Variants in AMZ1 observed in about 807,000 individuals in gnomAD.
The protein encoded by AMZ1 is archaelysin family metallopeptidase 1, also known as archaemetzincin-1.
AMZ1 carries 39 observed loss-of-function variants against 29.9 expected under a neutral mutation model. The observed-to-expected ratio is 1.30, with a 90% confidence interval of 1.01 to 1.70. The LOEUF (loss-of-function observed/expected upper bound fraction) is 1.70, where lower values mean the gene tolerates loss of function less well. Among genes scored for constraint, AMZ1 ranks in the 40% most tolerant of loss-of-function variants. AMZ1 has a pLI of 0.00. For missense variants in AMZ1, 1,041 were observed against 680.6 expected, an observed-to-expected ratio of 1.53 and a Z score of -5.89; for synonymous variants, 458 against 304.0, an observed-to-expected ratio of 1.51 and a Z score of -5.27.
intron 4 of AMZ1, chr7:2,729,416 T>A (rs1296940611): frequency 6.6e-6 from 1 of 152,322 alleles, no homozygotes; most frequent in Non-Finnish European, 1.5e-5. Context: ...ACAGAAGCAG[T>A]ACAAAAACAG....
At chr7:2,762,969 C>A (rs1791638444), upstream of AMZ1, 3 of 1,354,666 alleles carry the variant, frequency 2.2e-6, no homozygotes, top group Admixed American at 7.4e-5. Flanking sequence ...GTCTCCTGCT[C>A]CTCAGAAAGA....
intron 3 of AMZ1, among the ~76,000 whole-genome samples, chr7:2,703,944 A>C (rs1227116124): frequency 6.6e-6 from 1 of 152,104 alleles, no homozygotes. Context: ...GCTGGAGTGC[A>C]GTGGTGCAAT....
rs1384264467 is a variant in AMZ1, at chr7:2,719,226, C to A, written c.*6348C>A. ...GTGGCCCCTGTCGGAAGGGGGGTGT[C>A]TCTTTATTCCTGCCATCCTCCGGCC... On this transcript the variant is annotated 3_prime_UTR_variant, in exon 7 of 7. Coordinates refer to ENST00000683327, the MANE Select transcript of AMZ1 (RefSeq NM_001384743.1). Among the ~76,000 whole-genome samples the A allele has an allele frequency of 6.6e-6, 1 of 152,180 alleles. No homozygotes were observed. The highest frequency in any genetic ancestry group is 1.5e-5 in the Non-Finnish European group (1 of 68,046).
At chr7:2,711,217 T>C (rs539844799) in intron 6 of AMZ1, among the ~76,000 whole-genome samples, 7 of 152,228 alleles carry the variant, frequency 4.6e-5, no homozygotes, top group Admixed American at 2.0e-4. Context: ...CTGGCTGTTG[T>C]AGGGAGGGCA....
intron 4 of AMZ1, among the ~76,000 whole-genome samples, chr7:2,757,122 G>A (rs1479977935): frequency 2.1e-5 from 3 of 145,192 alleles, no homozygotes; most frequent in Non-Finnish European, 4.5e-5. Flanking sequence ...GATCTAATCA[G>A]GTGGGCCTTT....
At chr7:2,697,219 C>G (rs1787797416) in intron 1 of AMZ1, among the ~76,000 whole-genome samples, 2 of 152,126 alleles carry the variant, frequency 1.3e-5, no homozygotes, top group African/African-American at 4.8e-5. Flanking sequence ...TCTTCTGCCT[C>G]TTGAGTAGCT....
Position 2,748,162 on chromosome 7 carries a change from T to G in AMZ1, n.551-16550T>G, listed in dbSNP as rs1790858525. 2.0e-5 allele frequency among the ~76,000 whole-genome samples: 3 copies of G among 150,604 alleles called. No individual in the cohort carries two copies. In the South Asian group the frequency reaches 6.4e-4, roughly 32 times the overall value. ...TTCACAGAATTGGAAAAAACTACTT[T>G]AAAGTTCATATGGAACCAAAAAAGA... On this transcript the variant is annotated intron_variant and non_coding_transcript_variant, in intron 4 of 4. Coordinates refer to the AMZ1 transcript ENST00000489665.
upstream of AMZ1, among the ~76,000 whole-genome samples, chr7:2,763,872 G>A (rs1447221186): frequency 6.6e-6 from 1 of 152,234 alleles, no homozygotes; most frequent in African/African-American, 2.4e-5. Flanking sequence ...GAGAGCGAGG[G>A]AGACGGAGAG....
At chr7:2,726,067 C>G (rs1333798615) in intron 4 of AMZ1, among the ~76,000 whole-genome samples, 2 of 152,224 alleles carry the variant, frequency 1.3e-5, no homozygotes, top group South Asian at 4.1e-4. Context: ...CTGTCCTCTT[C>G]AAAGCAAAGC....
chr7:2,734,603 T>G (rs1269107114), intron 4 of AMZ1, among the ~76,000 whole-genome samples: 1 of 152,214 alleles, frequency 6.6e-6, no homozygotes. Flanking sequence ...CTGCTCAGTC[T>G]ATCTCTTCCT....
intron 4 of AMZ1, among the ~76,000 whole-genome samples, chr7:2,744,798 A>T (rs543028909): frequency 6.6e-6 from 1 of 152,204 alleles, no homozygotes; most frequent in South Asian, 2.1e-4. Context: ...GGATAACTAG[A>T]ATAACCAATG....
rs763541390 is a variant in AMZ1 at position 2,712,636 on chromosome 7, C to A, written c.1255C>A (p.Gln419Lys). 5.0e-6 allele frequency: 8 copies of A among 1,613,066 alleles called. No individual in the cohort carries two copies. The highest frequency in any genetic ancestry group is 6.8e-6 in the Non-Finnish European group (8 of 1,179,882). ...RWLAMCIQALQREVAEEDLVQ... is the reference protein window; with the variant it reads ...RWLAMCIQALKREVAEEDLVQ... ...GCTGGCCATGTGCATCCAGGCCCTG[C>A]AGCGGGAAGTGGCAGAGGAGGACCT... Residue 419 changes from glutamine (Q) to lysine (K), a missense_variant, in exon 7 of 7, where the codon CAG (glutamine) becomes AAG (lysine). Gln to Lys is a moderately conservative substitution (Grantham distance 53, BLOSUM62 1). Coordinates refer to ENST00000683327, the MANE Select transcript of AMZ1 (RefSeq NM_001384743.1).
At chr7:2,683,717 C>G (rs191742152), upstream of AMZ1, among the ~76,000 whole-genome samples, 1 of 152,038 alleles carries the variant, frequency 6.6e-6, no homozygotes, top group African/African-American at 2.4e-5. Flanking sequence ...GGATTAGAGA[C>G]GCGAGCCACC....
chr7:2,754,615 T>C (rs570071070), intron 4 of AMZ1, among the ~76,000 whole-genome samples: 2 of 150,932 alleles, frequency 1.3e-5, no homozygotes, highest in South Asian at 2.1e-4. Flanking sequence ...AGGTATAGTG[T>C]TGCGTTCCTG....
rs145529010 is a variant in AMZ1 at position 2,707,049 on chromosome 7, C to T, written c.473-1539C>T. On this transcript the variant is annotated intron_variant, in intron 3 of 6. Transcript: ENST00000683327. ...CAGCACTTTGGGAGACCGAGGCAGA[C>T]GGATCACGAGGGTAGGAGTTTGAGA... Among the ~76,000 whole-genome samples, 84 of 152,192 alleles carry T rather than the reference C, an allele frequency of 5.5e-4. 1 individual carries two copies. The highest frequency in any genetic ancestry group is 1.8e-3 in the African/African-American group (73 of 41,522).
At chr7:2,698,054 T>G (rs1195808054) in intron 1 of AMZ1, among the ~76,000 whole-genome samples, 1 of 152,194 alleles carries the variant, frequency 6.6e-6, no homozygotes, top group East Asian at 1.9e-4. Flanking sequence ...CACATATACA[T>G]AGGAATATGA....
rs571970530 is a variant in AMZ1, at chr7:2,753,931, C to T, written n.551-10781C>T. ...GGGAGAGCTCATGTATGGGTTAATCCGACCACGAGCTCTGTAGGTCCGGCG... is the reference window on the plus strand; with the variant it reads ...GGGAGAGCTCATGTATGGGTTAATCTGACCACGAGCTCTGTAGGTCCGGCG... On this transcript the variant is annotated intron_variant and non_coding_transcript_variant, in intron 4 of 4. Transcript: ENST00000489665. 4.6e-5 allele frequency among the ~76,000 whole-genome samples: 7 copies of T among 152,186 alleles called. No individual in the cohort carries two copies. The South Asian group carries it at 1.2e-3, about 27-fold the overall frequency.
At chr7:2,708,743 G>T (rs763000348) in intron 4 of AMZ1, 27 bp downstream of exon 4, 1 of 1,611,164 alleles carries the variant, frequency 6.2e-7, no homozygotes, top group African/African-American at 1.3e-5. Context: ...GCAGCTGTGC[G>T]TGGGGGGTAG....
At chr7:2,691,688 G>A (rs941329343) in intron 1 of AMZ1, among the ~76,000 whole-genome samples, 8 of 128,544 alleles carry the variant, frequency 6.2e-5, no homozygotes, top group Non-Finnish European at 1.2e-4. Flanking sequence ...CCGAGATTGC[G>A]CCACTGCACT....
Sources: allele counts gnomAD v4.1 joint callset (sites outside exome capture counted in the v4.1 genomes callset), GRCh38; gene constraint gnomAD v4.1.1; transcripts MANE v1.5; gene names NCBI Gene and HGNC (gene_info 2026-07-23, HGNC 2026-07-21).